The following BCL7C variants were observed in gnomAD, a reference collection of about 807,000 sequenced individuals.
BCL7C encodes B-cell CLL/lymphoma 7 protein family member C.
BCL7C carries 8 observed loss-of-function variants against 26.2 expected under a neutral mutation model. The ratio of observed to expected loss-of-function variants is 0.30; its 90% confidence interval spans 0.18 to 0.55. BCL7C has a LOEUF of 0.55. BCL7C is among the 20% of genes least tolerant of loss of function. The probability of loss-of-function intolerance (pLI) is 0.93; values close to 1 mark genes in which losing one functional copy is unlikely to be tolerated. For synonymous variants in BCL7C, 90 were observed against 116.5 expected (o/e 0.77, Z 1.47); for missense variants, 262 against 298.5 (o/e 0.88, Z 0.90).
chr16:30,887,178 AG>A (rs1316881249), downstream of BCL7C, among the ~76,000 whole-genome samples: 2 of 152,064 alleles, frequency 1.3e-5, no homozygotes, highest in African/African-American at 4.8e-5. Flanking sequence ...GCGTGGTGGC[AG>A]GCACCTCTAA....
intron 5 of BCL7C, among the ~76,000 whole-genome samples, chr16:30,847,265 A>G (rs1016049601): frequency 3.9e-5 from 6 of 152,200 alleles, no homozygotes; most frequent in African/African-American, 1.4e-4. Flanking sequence ...AGGATCCAGA[A>G]ATTTGGAATG....
chr16:30,837,433 C>T (rs2054576818), intron 5 of BCL7C, among the ~76,000 whole-genome samples: 1 of 151,990 alleles, frequency 6.6e-6, no homozygotes, highest in African/African-American at 2.4e-5. Context: ...TGCCTCACTG[C>T]AATCTCTAGG....
chr16:30,862,072 C>T (rs569780655), intron 5 of BCL7C, among the ~76,000 whole-genome samples: 1 of 151,952 alleles, frequency 6.6e-6, no homozygotes, highest in African/African-American at 2.4e-5. Flanking sequence ...TCTCCAACCT[C>T]GTGATCCGCT....
rs758861762 is a variant in BCL7C, at chr16:30,887,831, G to C, written c.*34C>G. ...TCTTTATTTGTAAAAAGCCAAAGGGGCCCCTGGGGCAACAGGACAGGCAGG... is the reference window on the plus strand; with the variant it reads ...TCTTTATTTGTAAAAAGCCAAAGGGCCCCCTGGGGCAACAGGACAGGCAGG... On this transcript the variant is annotated 3_prime_UTR_variant, in exon 6 of 6. Coordinates refer to ENST00000215115, the MANE Select transcript of BCL7C (RefSeq NM_004765.4). 2.0e-6 allele frequency: 3 copies of C among 1,537,830 alleles called. No individual in the cohort carries two copies. In the Admixed American group the frequency reaches 7.0e-5, roughly 36 times the overall value.
chr16:30,864,434 T>C (rs2054806014), intron 5 of BCL7C, among the ~76,000 whole-genome samples: 1 of 152,156 alleles, frequency 6.6e-6, no homozygotes, highest in Non-Finnish European at 1.5e-5. Context: ...TCACCAATAA[T>C]TCTATATGAC....
chr16:30,858,881 G>A (rs1251177481), intron 5 of BCL7C, among the ~76,000 whole-genome samples: 1 of 152,094 alleles, frequency 6.6e-6, no homozygotes, highest in East Asian at 1.9e-4. Flanking sequence ...AAATCCCTGA[G>A]TCCCAGAAAT....
chr16:30,860,536 C>T (rs1266997237), intron 5 of BCL7C, among the ~76,000 whole-genome samples: 1 of 152,180 alleles, frequency 6.6e-6, no homozygotes. Context: ...AACCTAAACA[C>T]CTTATTTTCT....
intron 5 of BCL7C, among the ~76,000 whole-genome samples, chr16:30,855,159 A>C (rs1295457828): frequency 5.3e-5 from 8 of 152,176 alleles, no homozygotes; most frequent in African/African-American, 1.9e-4. Flanking sequence ...TGAGAGAGCT[A>C]TGCTTCTGTG....
In BCL7C at chr16:30,894,000, GGGCTCAGGCTCCGCGCCA is replaced by G; in HGVS notation, c.-74_-57del. 1.1e-6 allele frequency: 1 copy of G among 946,458 alleles called. No individual in the cohort carries two copies. Among genetic ancestry groups the G allele is most frequent in the Non-Finnish European group, 1.3e-6 (1 of 757,272 alleles). 58.6% of individuals were successfully genotyped at this position (946,458 alleles called of 1,614,324 possible). A position where few individuals can be genotyped will look rare whatever the true frequency, so the allele number is the denominator to read the frequency against. ...GCGGCGGGGCCGCCTCCCGTCCGGC[GGGCTCAGGCTCCGCGCCA>G]GGCCCGGGCGCCGCGCTCTCGGCCT... On this transcript the variant is annotated 5_prime_UTR_variant, in exon 1 of 6. Coordinates refer to ENST00000215115, the MANE Select transcript of BCL7C (RefSeq NM_004765.4). The surrounding 1 kb of genome is among the most constrained non-coding windows in gnomAD (Gnocchi z 5.2).
chr16:30,856,649 T>C (rs981197016), intron 5 of BCL7C, among the ~76,000 whole-genome samples: 7 of 152,166 alleles, frequency 4.6e-5, no homozygotes, highest in South Asian at 2.1e-4. Flanking sequence ...CAGCTAATGA[T>C]TGGACAGAGA....
intron 5 of BCL7C, among the ~76,000 whole-genome samples, chr16:30,860,104 C>T (rs1440215048): frequency 2.0e-5 from 3 of 152,012 alleles, no homozygotes; most frequent in Admixed American, 1.3e-4. Context: ...TCTCCCTGTC[C>T]TTCCAATTCC....
At chr16:30,874,660 G>C (rs1372091540) in intron 5 of BCL7C, among the ~76,000 whole-genome samples, 1 of 152,108 alleles carries the variant, frequency 6.6e-6, no homozygotes, top group Non-Finnish European at 1.5e-5. Context: ...AAGACTTAAA[G>C]ACCCCTGAGC....
At chr16:30,844,276 G>C (rs2054620223) in intron 5 of BCL7C, among the ~76,000 whole-genome samples, 1 of 140,142 alleles carries the variant, frequency 7.1e-6, no homozygotes, top group South Asian at 2.3e-4. Flanking sequence ...CTTGAACCCA[G>C]GGGGCAGGGG....
chr16:30,848,891 CAA>C (rs58484131), intron 5 of BCL7C, among the ~76,000 whole-genome samples: 491 of 131,740 alleles, frequency 3.7e-3, no homozygotes, highest in African/African-American at 7.7e-3. Context: ...GACTCCATCA[CAA>C]AAAAAAAAAA....
chr16:30,846,830 C>A (rs1211602227), intron 5 of BCL7C, among the ~76,000 whole-genome samples: 1 of 152,224 alleles, frequency 6.6e-6, no homozygotes, highest in Non-Finnish European at 1.5e-5. Context: ...AAGTGGGATG[C>A]CAGCAACCCA....
intron 5 of BCL7C, among the ~76,000 whole-genome samples, chr16:30,867,453 T>C (rs1274328530): frequency 6.6e-6 from 1 of 152,138 alleles, no homozygotes; most frequent in Non-Finnish European, 1.5e-5. Flanking sequence ...CAGGTGTGAT[T>C]AAGGACCTTG....
chr16:30,834,666 G>A lies in BCL7C; in HGVS notation c.*282C>T. On this transcript the variant is annotated 3_prime_UTR_variant, in exon 6 of 6. Coordinates refer to the BCL7C transcript ENST00000380317. This position sits in a 1 kb window ranked among gnomAD's most constrained non-coding sequence, Gnocchi z 4.3. Reference sequence around the variant, plus strand: ...ATGGGTGCGTGAGGAGGTGGGCGAGGCAGCCCAGTGCACCCCTCCCCTAGG... The same window carrying A: ...ATGGGTGCGTGAGGAGGTGGGCGAGACAGCCCAGTGCACCCCTCCCCTAGG... 1 of 289,688 alleles carries A rather than the reference G, an allele frequency of 3.5e-6. No homozygotes were observed. The highest frequency in any genetic ancestry group is 6.5e-6 in the Non-Finnish European group (1 of 154,590). The allele number at this position is 289,688 out of a possible 1,614,324, so 17.9% of individuals were successfully genotyped here.
intron 4 of BCL7C, 71 bp from the exon 5 acceptor site, chr16:30,889,016 C>T (rs1567324050): frequency 7.0e-7 from 1 of 1,422,208 alleles, no homozygotes; most frequent in Non-Finnish European, 9.9e-7. Context: ...GTGGGGGAAA[C>T]AGATGGTCAC....
At chr16:30,879,228 T>G (rs2055001746) in intron 5 of BCL7C, among the ~76,000 whole-genome samples, 1 of 152,114 alleles carries the variant, frequency 6.6e-6, no homozygotes, top group Admixed American at 6.6e-5. Context: ...TAGATTCTCC[T>G]GATGTAGTTC....
Sources: allele counts gnomAD v4.1 joint callset (sites outside exome capture counted in the v4.1 genomes callset), GRCh38; gene constraint gnomAD v4.1.1; non-coding constraint Gnocchi (gnomAD v3.1); transcripts MANE v1.5; gene names NCBI Gene and HGNC (gene_info 2026-07-23, HGNC 2026-07-21).